The following TBC1D5 variants were observed in gnomAD, a reference collection of about 807,000 sequenced individuals.
The protein encoded by TBC1D5 is TBC1 domain family, member 5.
TBC1D5 carries 75 observed loss-of-function variants against 100.3 expected under a neutral mutation model. The ratio of observed to expected loss-of-function variants is 0.75; its 90% CI spans 0.62 to 0.91. The LOEUF (loss-of-function observed/expected upper bound fraction) is 0.91. Among genes scored for constraint, TBC1D5 ranks in the 40% least tolerant of loss-of-function variants. The pLI, the probability that TBC1D5 is intolerant of heterozygous loss-of-function variation, is 0.00. For missense variants in TBC1D5, 910 were observed against 942.4 expected (o/e 0.97, Z 0.45); for synonymous variants, 323 against 325.6 (o/e 0.99, Z 0.09).
chr3:17,413,263 T>G (rs529443232), intron 4 of TBC1D5, among the ~76,000 whole-genome samples: 21 of 152,290 alleles, frequency 1.4e-4, no homozygotes, highest in African/African-American at 4.1e-4. Context: ...GGAAGCACCA[T>G]GCTGAGAAGG....
At chr3:17,227,743 G>A (rs1387247252) in intron 17 of TBC1D5, among the ~76,000 whole-genome samples, 10 of 151,750 alleles carry the variant, frequency 6.6e-5, no homozygotes, top group Admixed American at 6.6e-4. Flanking sequence ...AAACTATTAG[G>A]TACTAGGCTT....
At chr3:17,221,275 CTTTT>C (rs905327270) in intron 17 of TBC1D5, among the ~76,000 whole-genome samples, 6 of 147,548 alleles carry the variant, frequency 4.1e-5, no homozygotes, top group Admixed American at 3.4e-4. Flanking sequence ...CCTGTGAGTT[CTTTT>C]TTTTTTAATT....
intron 1 of TBC1D5, among the ~76,000 whole-genome samples, chr3:17,685,759 G>C (rs953992757): frequency 1.3e-5 from 2 of 151,808 alleles, no homozygotes; most frequent in African/African-American, 4.8e-5. Context: ...CAAACAACTG[G>C]ACACTCAAGA....
chr3:17,356,700 C>T (rs1333038393), intron 13 of TBC1D5, among the ~76,000 whole-genome samples: 2 of 152,110 alleles, frequency 1.3e-5, no homozygotes, highest in Non-Finnish European at 2.9e-5. Flanking sequence ...CCAACTAGAA[C>T]AGAGTGAGCA....
At chr3:17,203,365 C>T (rs912066294) in intron 18 of TBC1D5, among the ~76,000 whole-genome samples, 4 of 152,156 alleles carry the variant, frequency 2.6e-5, no homozygotes, top group African/African-American at 9.7e-5. Flanking sequence ...TTTACAGGCT[C>T]ATAGGTGGAA....
intron 2 of TBC1D5, among the ~76,000 whole-genome samples, chr3:17,583,850 C>A (rs962971966): frequency 1.1e-4 from 17 of 152,144 alleles, no homozygotes; most frequent in African/African-American, 4.1e-4. Flanking sequence ...CAATTCCACT[C>A]CTAGGTACAT....
chr3:17,226,090 G>T (rs2074863740), intron 17 of TBC1D5, among the ~76,000 whole-genome samples: 1 of 151,132 alleles, frequency 6.6e-6, no homozygotes, highest in Non-Finnish European at 1.5e-5. Flanking sequence ...CAGGTACCTG[G>T]AGTAGTCTTG....
chr3:17,428,707 T>G (rs904822633), intron 3 of TBC1D5, among the ~76,000 whole-genome samples, 188 bp from the exon 4 acceptor site: 1 of 151,904 alleles, frequency 6.6e-6, no homozygotes, highest in African/African-American at 2.4e-5. Flanking sequence ...TATAAACCAA[T>G]GCCAATCCTA....
intron 1 of TBC1D5, among the ~76,000 whole-genome samples, chr3:17,655,356 A>G (rs1391610963): frequency 6.6e-6 from 1 of 151,592 alleles, no homozygotes; most frequent in Non-Finnish European, 1.5e-5. Flanking sequence ...ACCTAATGCT[A>G]AATGAGGAGT....
intron 2 of TBC1D5, among the ~76,000 whole-genome samples, chr3:17,530,771 C>T (rs1049815352): frequency 6.6e-6 from 1 of 152,102 alleles, no homozygotes; most frequent in African/African-American, 2.4e-5. Context: ...AGGCCTTTGA[C>T]AAAATTCAAC....
intron 3 of TBC1D5, among the ~76,000 whole-genome samples, chr3:17,472,142 T>G (rs1374672855): frequency 6.6e-6 from 1 of 150,934 alleles, no homozygotes; most frequent in Non-Finnish European, 1.5e-5. Flanking sequence ...GAGTTTTTTT[T>G]TTCTTTTTTT....
At chr3:17,209,371 G>A (rs138367137) in intron 18 of TBC1D5, among the ~76,000 whole-genome samples, 26 of 152,222 alleles carry the variant, frequency 1.7e-4, no homozygotes, top group East Asian at 1.2e-3. Flanking sequence ...GGCTGGTCTC[G>A]AACTCCTGGA....
At chr3:17,219,091 T>G (rs1458378540) in intron 17 of TBC1D5, among the ~76,000 whole-genome samples, 1 of 151,666 alleles carries the variant, frequency 6.6e-6, no homozygotes, top group Non-Finnish European at 1.5e-5. Context: ...CTTTTTGTTT[T>G]TTTTTTTTAT....
rs146663765 is a variant in TBC1D5 at position 17,527,064 on chromosome 3, T to C, written c.-35-18459A>G. On this transcript the variant is annotated intron_variant, in intron 2 of 21. Transcript: ENST00000253692. The stretch of plus-strand genomic sequence containing the variant: ...ATTTAGTGGTGAATAAGTAACTTAC[T>C]GTCCCCAGAAAATATACGTTCTAGG... Among the ~76,000 whole-genome samples, 13 of 152,322 alleles carry C rather than the reference T, an allele frequency of 8.5e-5. 1 individual carries two copies. The East Asian group carries it at 2.5e-3, about 29-fold the overall frequency.
At chr3:17,374,524 G>A (rs756088818) in exon 12 of TBC1D5, 1 of 1,612,070 alleles carries the variant, frequency 6.2e-7, no homozygotes, top group Non-Finnish European at 8.5e-7. Context: ...GTTTCCATAA[G>A]TTGTGAGAAC....
At chr3:17,196,810 TGTCATGAACTGTATA>T (rs2070751739) in intron 18 of TBC1D5, among the ~76,000 whole-genome samples, 1 of 152,208 alleles carries the variant, frequency 6.6e-6, no homozygotes, top group Admixed American at 6.5e-5. Context: ...AGAAGCTGCA[TGTCATGAACTGTATA>T]GAGTCAGTTC....
intron 18 of TBC1D5, among the ~76,000 whole-genome samples, chr3:17,192,806 G>A (rs2070126139): frequency 6.6e-6 from 1 of 152,252 alleles, no homozygotes; most frequent in African/African-American, 2.4e-5. Context: ...CCCACTGGTA[G>A]GCTTCCTTGT....
chr3:17,546,783 C>CAA (rs758349149), intron 2 of TBC1D5, among the ~76,000 whole-genome samples: 6 of 70,172 alleles, frequency 8.6e-5, no homozygotes, highest in Admixed American at 4.9e-4. Flanking sequence ...GACTCCATCT[C>CAA]AAAAAAAAAA....
At chr3:17,528,393 T>C (rs2096169393) in intron 2 of TBC1D5, among the ~76,000 whole-genome samples, 1 of 152,162 alleles carries the variant, frequency 6.6e-6, no homozygotes, top group South Asian at 2.1e-4. Flanking sequence ...ATTAATCCCT[T>C]AGGAGAATGC....
Sources: gnomAD v4.1 joint callset for allele counts (sites outside exome capture counted in the v4.1 genomes callset) on GRCh38, gnomAD v4.1.1 for gene constraint, MANE v1.5 for transcripts, NCBI Gene and HGNC (gene_info 2026-07-23, HGNC 2026-07-21) for gene names.